Variants in FBN2 observed in about 807,000 individuals in gnomAD.
FBN2 encodes fibrillin-2.
FBN2 carries 105 observed loss-of-function variants against 355.6 expected under a neutral mutation model. The ratio of observed to expected loss-of-function variants is 0.30; its 90% CI spans 0.25 to 0.35. The LOEUF is 0.35. FBN2 is among the 10% of genes least tolerant of loss of function. The pLI, the probability that FBN2 is intolerant of heterozygous loss-of-function variation, is 1.00. For missense variants in FBN2, 3,280 were observed against 3,758.7 expected (o/e 0.87, Z 3.33); for synonymous variants, 1,350 against 1,301.2 (o/e 1.04, Z -0.81).
chr5:128,368,237 T>C lies in FBN2; in HGVS notation c.2248+945A>G, dbSNP rs554100191. ...AACACAGATTGTGTTTATGTTAGAATCCCTACTGTACTTACGTATATTCAA... is the reference window on the plus strand; with the variant it reads ...AACACAGATTGTGTTTATGTTAGAACCCCTACTGTACTTACGTATATTCAA... On this transcript the variant is annotated intron_variant, in intron 16 of 64. Coordinates refer to ENST00000262464, the MANE Select transcript of FBN2 (RefSeq NM_001999.4). Among the ~76,000 whole-genome samples the C allele has an allele frequency of 3.9e-5, 6 of 152,096 alleles. No homozygotes were observed. In the South Asian group the frequency reaches 1.0e-3, roughly 26 times the overall value.
intron 1 of FBN2, among the ~76,000 whole-genome samples, chr5:128,536,941 C>G (rs1756862846): frequency 6.6e-6 from 1 of 151,912 alleles, no homozygotes; most frequent in Non-Finnish European, 1.5e-5. Flanking sequence ...GCTGTGAACC[C>G]TGCACACGTC....
rs147402765 is a variant in FBN2 at position 128,461,893 on chromosome 5, G to A, written c.826+2831C>T. Among the ~76,000 whole-genome samples, 331 of 151,912 alleles carry A rather than the reference G, an allele frequency of 2.2e-3. 4 individuals carry two copies. Among genetic ancestry groups the A allele is most frequent in the African/African-American group, 7.4e-3 (306 of 41,420 alleles). On this transcript the variant is annotated intron_variant, in intron 6 of 64. Transcript: ENST00000262464. The stretch of plus-strand genomic sequence containing the variant: ...ACTTAGAGGACAGGTCAATAGGTGC[G>A]GCAAACCACCATGGTACACATATAC...
intron 19 of FBN2, among the ~76,000 whole-genome samples, chr5:128,360,049 G>A (rs949192916): frequency 1.3e-5 from 2 of 152,056 alleles, no homozygotes; most frequent in African/African-American, 4.8e-5. Flanking sequence ...TCAAGATGAC[G>A]TCCTACCCTG....
intron 34 of FBN2, among the ~76,000 whole-genome samples, chr5:128,320,760 T>G (rs1007221096): frequency 6.6e-5 from 10 of 152,196 alleles, no homozygotes; most frequent in Admixed American, 5.9e-4. Context: ...CTAAAACAAT[T>G]TGTATGCATC....
In FBN2 at chr5:128,330,567, A is replaced by C; in HGVS notation, c.4345+6T>G. On this transcript the variant is annotated splice_donor_region_variant and intron_variant, in intron 33 of 64. Transcript: ENST00000262464. ...CGTCAGAGCACACCTCAGGACTGTCACCCACCTGAGCAGGTAAAGCCATCA... is the reference window on the plus strand; with the variant it reads ...CGTCAGAGCACACCTCAGGACTGTCCCCCACCTGAGCAGGTAAAGCCATCA... 1 of 1,614,048 alleles carries C rather than the reference A, an allele frequency of 6.2e-7. No homozygotes were observed. Among genetic ancestry groups the C allele is most frequent in the Non-Finnish European group, 8.5e-7 (1 of 1,179,936 alleles).
intron 11 of FBN2, among the ~76,000 whole-genome samples, chr5:128,391,348 C>A (rs1444121601): frequency 6.6e-6 from 1 of 152,110 alleles, no homozygotes; most frequent in Non-Finnish European, 1.5e-5. Context: ...CTATGAGAAT[C>A]CAGCTGGCTT....
chr5:128,349,848 G>C (rs902551932), intron 22 of FBN2, 107 bp downstream of exon 22: 168 of 869,264 alleles, frequency 1.9e-4, no homozygotes, highest in Non-Finnish European at 2.9e-4. Context: ...TTATTGAAAT[G>C]TCAAGGTTTT....
intron 32 of FBN2, 52 bp downstream of exon 32, chr5:128,332,859 GA>G (rs1750729767): frequency 1.3e-6 from 2 of 1,575,986 alleles, no homozygotes; most frequent in East Asian, 4.5e-5. Flanking sequence ...ATGCAAAAAA[GA>G]GCCTTTAAAA....
chr5:128,502,127 C>T (rs1184336443), intron 5 of FBN2, among the ~76,000 whole-genome samples: 1 of 151,550 alleles, frequency 6.6e-6, no homozygotes, highest in Non-Finnish European at 1.5e-5. Context: ...CTTCATAGCA[C>T]ACACAATGCC....
Position 128,508,635 on chromosome 5 carries a change from A to G in FBN2, c.628+10638T>C, listed in dbSNP as rs537917761. On this transcript the variant is annotated intron_variant, in intron 5 of 64. Coordinates refer to ENST00000262464, the MANE Select transcript of FBN2 (RefSeq NM_001999.4). ...AAAAAGATTTAAAATACTAAGGAAA[A>G]GTATTATATATTTACCCACATAGTT... is the stretch of plus-strand genomic sequence containing the variant. 5.3e-5 allele frequency among the ~76,000 whole-genome samples: 8 copies of G among 152,172 alleles called. No homozygotes were observed. In the South Asian group the frequency reaches 1.7e-3, roughly 31 times the overall value.
At chr5:128,508,833 T>C (rs1333605652) in intron 5 of FBN2, among the ~76,000 whole-genome samples, 1 of 152,072 alleles carries the variant, frequency 6.6e-6, no homozygotes, top group Non-Finnish European at 1.5e-5. Flanking sequence ...TTATTTTACT[T>C]CTGATTTTGA....
chr5:128,310,394 ATATATATATTTTTTTTTTT>A (rs1432623647), intron 39 of FBN2, among the ~76,000 whole-genome samples: 30 of 20,360 alleles, frequency 1.5e-3, no homozygotes, highest in East Asian at 0.01. Flanking sequence ...ATATATATAT[ATATATATATTTTTTTTTTT>A]TTTTTTTTAT....
At chr5:128,428,477 G>C (rs1753537535) in intron 7 of FBN2, among the ~76,000 whole-genome samples, 1 of 152,022 alleles carries the variant, frequency 6.6e-6, no homozygotes, top group Non-Finnish European at 1.5e-5. Flanking sequence ...GATACCTCAG[G>C]GGTGCCTCTA....
At chr5:128,482,326 G>A (rs1483907729) in intron 5 of FBN2, among the ~76,000 whole-genome samples, 1 of 152,058 alleles carries the variant, frequency 6.6e-6, no homozygotes, top group Non-Finnish European at 1.5e-5. Context: ...AGGCAGTAAA[G>A]GGCCAAGCAG....
chr5:128,402,360 T>C (rs1056762947), intron 8 of FBN2, among the ~76,000 whole-genome samples: 1 of 152,130 alleles, frequency 6.6e-6, no homozygotes, highest in South Asian at 2.1e-4. Flanking sequence ...ATTCCTCTAA[T>C]CATTTTCTAT....
intron 7 of FBN2, among the ~76,000 whole-genome samples, chr5:128,431,912 T>C (rs72785135): frequency 0.016 from 2,507 of 152,254 alleles, 22 homozygotes; most frequent in Non-Finnish European, 0.025. Flanking sequence ...TTAAAACATA[T>C]GGATTATTTC....
intron 34 of FBN2, among the ~76,000 whole-genome samples, chr5:128,320,009 G>C (rs539091661): frequency 7.0e-4 from 107 of 152,286 alleles, no homozygotes; most frequent in African/African-American, 2.4e-3. Context: ...ATTCTTCCCA[G>C]TTAAAATATT....
chr5:128,464,551 T>C (rs1408834691), intron 6 of FBN2, among the ~76,000 whole-genome samples, 173 bp downstream of exon 6: 1 of 152,226 alleles, frequency 6.6e-6, no homozygotes, highest in East Asian at 1.9e-4. Context: ...GTTGAAACAA[T>C]TATTCATTAG....
chr5:128,444,733 C>T (rs1417345428), intron 7 of FBN2, among the ~76,000 whole-genome samples: 4 of 152,200 alleles, frequency 2.6e-5, no homozygotes, highest in Admixed American at 1.3e-4. Context: ...CCATGTCTGG[C>T]TTGGCTCTGT....
Sources: allele counts gnomAD v4.1 joint callset (sites outside exome capture counted in the v4.1 genomes callset), GRCh38; gene constraint gnomAD v4.1.1; transcripts MANE v1.5; gene names NCBI Gene and HGNC (gene_info 2026-07-23, HGNC 2026-07-21).